Variants in NKAIN3 observed in about 807,000 individuals in gnomAD.
NKAIN3 encodes sodium/potassium transporting ATPase interacting 3.
A neutral mutation model predicts 30.2 loss-of-function variants in NKAIN3; 25 were observed. That is an observed-to-expected ratio of 0.83 (90% CI 0.60 to 1.16). The LOEUF is 1.16. Ranked by LOEUF, NKAIN3 falls within the 50% of genes most tolerant of loss-of-function variation. The pLI, the probability that NKAIN3 is intolerant of heterozygous loss-of-function variation, is 0.00. For missense variants in NKAIN3, 225 were observed against 254.1 expected (o/e 0.89, Z 0.78); for synonymous variants, 91 against 89.6 (o/e 1.02, Z -0.09).
intron 3 of NKAIN3, among the ~76,000 whole-genome samples, chr8:62,652,575 A>T (rs1812657462): frequency 1.3e-5 from 2 of 152,188 alleles, no homozygotes; most frequent in African/African-American, 4.8e-5. Flanking sequence ...TAGCAAAAAA[A>T]TATTTCTGAG....
At chr8:62,890,979 G>C (rs1821280773) in intron 4 of NKAIN3, among the ~76,000 whole-genome samples, 1 of 152,188 alleles carries the variant, frequency 6.6e-6, no homozygotes, top group South Asian at 2.1e-4. Flanking sequence ...ATATCTGAAA[G>C]AGAGCAAGGT....
intron 4 of NKAIN3, among the ~76,000 whole-genome samples, chr8:62,900,421 T>A (rs1821576927): frequency 6.6e-6 from 1 of 152,202 alleles, no homozygotes; most frequent in African/African-American, 2.4e-5. Context: ...GCTAAGTAAA[T>A]GCAGCTTTGG....
chr8:62,359,163 C>T (rs2129592346), intron 1 of NKAIN3, among the ~76,000 whole-genome samples: 1 of 152,336 alleles, frequency 6.6e-6, no homozygotes, highest in East Asian at 1.9e-4. Context: ...GCCTGGGTGA[C>T]AGAGCGAGAC....
At position 62,980,676 on chromosome 8, in the gene NKAIN3, G is replaced by GA. The variant is rs1824055009; in HGVS notation, c.*15276dup. ...TTATTTTTGACATGTATCTAAACCA[G>GA]AAAAAAATATTCCTTGTACATGATA... On this transcript the variant is annotated 3_prime_UTR_variant, in exon 7 of 7. Transcript: ENST00000623646. 6.6e-6 allele frequency: 1 copy of GA among 151,946 alleles called. No individual in the cohort carries two copies. Among genetic ancestry groups the GA allele is most frequent in the Non-Finnish European group, 1.5e-5 (1 of 67,976 alleles). 9.4% of individuals were successfully genotyped at this position (151,946 alleles called of 1,614,324 possible).
At chr8:62,502,227 C>A (rs989413585) in intron 1 of NKAIN3, among the ~76,000 whole-genome samples, 7 of 152,050 alleles carry the variant, frequency 4.6e-5, no homozygotes, top group Non-Finnish European at 7.4e-5. Flanking sequence ...ATATTTTATT[C>A]TCCTTGCCCT....
intron 1 of NKAIN3, among the ~76,000 whole-genome samples, chr8:62,498,412 C>T (rs1807310831): frequency 6.6e-6 from 1 of 152,066 alleles, no homozygotes; most frequent in Non-Finnish European, 1.5e-5. Flanking sequence ...TTCAGCTCCA[C>T]CCTCTCTGAC....
chr8:62,631,386 C>T (rs1811954994), intron 3 of NKAIN3, among the ~76,000 whole-genome samples: 2 of 152,156 alleles, frequency 1.3e-5, no homozygotes, highest in African/African-American at 4.8e-5. Flanking sequence ...CACCCATCGC[C>T]TAATCCAGAA....
intron 1 of NKAIN3, among the ~76,000 whole-genome samples, chr8:62,403,929 A>AG (rs955281471): frequency 6.6e-6 from 1 of 152,208 alleles, no homozygotes; most frequent in Non-Finnish European, 1.5e-5. Context: ...AGCAGCTGGG[A>AG]GGGGGACTGT....
At chr8:62,574,252 T>C (rs1810038295) in intron 1 of NKAIN3, among the ~76,000 whole-genome samples, 1 of 152,142 alleles carries the variant, frequency 6.6e-6, no homozygotes, top group Admixed American at 6.6e-5. Flanking sequence ...TAGTACTCCA[T>C]TGTGTATATG....
intron 3 of NKAIN3, among the ~76,000 whole-genome samples, chr8:62,689,829 T>G (rs930397456): frequency 1.3e-5 from 2 of 151,996 alleles, no homozygotes; most frequent in African/African-American, 4.8e-5. Flanking sequence ...AATAAAGAAA[T>G]TGACAAAGTC....
intron 4 of NKAIN3, among the ~76,000 whole-genome samples, chr8:62,758,959 C>T (rs1816550466): frequency 6.6e-6 from 1 of 152,202 alleles, no homozygotes; most frequent in Non-Finnish European, 1.5e-5. Context: ...GGATTCTTCA[C>T]TTAATATATG....
Position 62,715,155 on chromosome 8 carries a change from A to G in NKAIN3, c.274-31777A>G, listed in dbSNP as rs776268750. On this transcript the variant is annotated intron_variant, in intron 3 of 6. Coordinates refer to ENST00000623646, the MANE Select transcript of NKAIN3 (RefSeq NM_001304533.3). ...CCAAATCTCAGGAGAACTTACTATC[A>G]CAAGAACAGCAAGAGGGAAGTCCAC... Among the ~76,000 whole-genome samples, 33 of 152,284 alleles carry G rather than the reference A, an allele frequency of 2.2e-4. No individual in the cohort carries two copies. The Middle Eastern group carries it at 0.02, about 94-fold the overall frequency.
chr8:62,289,836 A>G (rs549036236), intron 1 of NKAIN3, among the ~76,000 whole-genome samples: 99 of 152,244 alleles, frequency 6.5e-4, no homozygotes, highest in African/African-American at 2.3e-3. Flanking sequence ...CTTGGGCAGT[A>G]TGGCCATTTT....
chr8:62,400,423 CG>C (rs1172165950), intron 1 of NKAIN3, among the ~76,000 whole-genome samples: 2 of 152,052 alleles, frequency 1.3e-5, no homozygotes, highest in Admixed American at 1.3e-4. Flanking sequence ...CCACCTGCCT[CG>C]GCCTCCCAGA....
intron 3 of NKAIN3, among the ~76,000 whole-genome samples, chr8:62,663,347 T>C (rs372599810): frequency 3.9e-5 from 6 of 152,194 alleles, no homozygotes; most frequent in African/African-American, 1.4e-4. Context: ...TACTCTATTG[T>C]AGTAATTCAG....
rs1357149475 is a variant in NKAIN3 at position 62,463,169 on chromosome 8, TAATA to T, written c.55-116366_55-116363del. On this transcript the variant is annotated intron_variant, in intron 1 of 6. Transcript: ENST00000623646. The stretch of plus-strand genomic sequence containing the variant: ...CCATTTTTACAATTTCACTCACAGC[TAATA>T]AATGTTTCTGTATAAACAGGATCAA... Among the ~76,000 whole-genome samples, 3 of 152,346 alleles carry T rather than the reference TAATA, an allele frequency of 2.0e-5. No homozygotes were observed. In the East Asian group the frequency reaches 5.8e-4, roughly 29 times the overall value.
At chr8:62,943,812 A>G (rs1823045371) in intron 5 of NKAIN3, among the ~76,000 whole-genome samples, 1 of 148,608 alleles carries the variant, frequency 6.7e-6, no homozygotes, top group African/African-American at 2.4e-5. Flanking sequence ...GTATATAAAT[A>G]TATATATATA....
At chr8:62,537,242 G>A (rs1222595425) in intron 1 of NKAIN3, among the ~76,000 whole-genome samples, 1 of 152,170 alleles carries the variant, frequency 6.6e-6, no homozygotes. Flanking sequence ...CTGTATTGGT[G>A]TGGCTCAGGA....
chr8:62,345,466 CATATAT>C (rs1211608136), intron 1 of NKAIN3, among the ~76,000 whole-genome samples: 2 of 17,034 alleles, frequency 1.2e-4, no homozygotes, highest in African/African-American at 2.7e-4. Flanking sequence ...TATATATACA[CATATAT>C]ACACATATAT....
Sources: allele counts gnomAD v4.1 joint callset (sites outside exome capture counted in the v4.1 genomes callset), GRCh38; gene constraint gnomAD v4.1.1; transcripts MANE v1.5; gene names NCBI Gene and HGNC (gene_info 2026-07-23, HGNC 2026-07-21).